CMC2: variants seen among roughly 807,000 people sequenced by gnomAD.
The protein encoded by CMC2 is C-X9-C motif containing 2.
Under a neutral mutation model 7.5 loss-of-function variants are expected in CMC2, and 5 were observed. The ratio of observed to expected loss-of-function variants is 0.66; its 90% confidence interval spans 0.35 to 1.40. The LOEUF is 1.40. Ranked by LOEUF, CMC2 falls within the 40% of genes most tolerant of loss-of-function variation. The probability of loss-of-function intolerance (pLI) is 0.04; values close to 1 mark genes in which losing one functional copy is unlikely to be tolerated. For synonymous variants in CMC2, 37 were observed against 31.4 expected (o/e 1.18, Z -0.60); for missense variants, 115 against 92.3 (o/e 1.25, Z -1.01).
chr16:80,996,054 A>G (rs1968392776), intron 2 of CMC2, among the ~76,000 whole-genome samples: 1 of 152,310 alleles, frequency 6.6e-6, no homozygotes, highest in South Asian at 2.1e-4. Flanking sequence ...AAAAACAGTC[A>G]TGGACCAAAA....
intron 3 of CMC2, chr16:80,980,869 A>G (rs1378751282): frequency 1.4e-6 from 1 of 699,930 alleles, no homozygotes; most frequent in South Asian, 1.5e-5. Context: ...CTTAGGTGAC[A>G]GAGCAAGAAC....
intron 1 of CMC2, among the ~76,000 whole-genome samples, chr16:81,000,524 A>T (rs538785646): frequency 3.0e-4 from 46 of 152,228 alleles, no homozygotes; most frequent in East Asian, 7.7e-4. Context: ...AACAAATTTT[A>T]AAAAAAAGTG....
chr16:80,999,361 G>C (rs1417503621), intron 1 of CMC2, among the ~76,000 whole-genome samples: 4 of 152,228 alleles, frequency 2.6e-5, no homozygotes, highest in South Asian at 4.1e-4. Context: ...CAACCAAGGA[G>C]GTAAAAGATC....
chr16:81,002,036 T>G (rs1234756275), intron 1 of CMC2, among the ~76,000 whole-genome samples: 2 of 152,216 alleles, frequency 1.3e-5, no homozygotes, highest in Non-Finnish European at 2.9e-5. Context: ...AGTTCAGCAA[T>G]TTAAGTTATC....
intron 2 of CMC2, among the ~76,000 whole-genome samples, chr16:80,993,065 G>A (rs919787084): frequency 6.6e-6 from 1 of 152,060 alleles, no homozygotes; most frequent in Admixed American, 6.6e-5. Flanking sequence ...TTGACATTTA[G>A]ATGTCTGCCC....
In CMC2 at chr16:80,969,966, G is replaced by C. The variant is rs1456185755; in HGVS notation, c.*6127C>G. 6.6e-6 allele frequency: 1 copy of C among 152,186 alleles called. No homozygotes were observed. The highest frequency in any genetic ancestry group is 1.5e-5 in the Non-Finnish European group (1 of 68,032). The allele number at this position is 152,186 out of a possible 1,614,324, so 9.4% of individuals were successfully genotyped here. The stretch of plus-strand genomic sequence containing the variant: ...GGAATCTGCTGGAAAATGAGGCTCA[G>C]ACAACCAAAATGACTAGGGAGATAT... On this transcript the variant is annotated 3_prime_UTR_variant, in exon 4 of 4. Coordinates refer to ENST00000219400, the MANE Select transcript of CMC2 (RefSeq NM_020188.5).
At position 80,999,485 on chromosome 16, in the gene CMC2, T is replaced by C. The variant is rs557203803; in HGVS notation, c.-35-2056A>G. 1.1e-3 allele frequency among the ~76,000 whole-genome samples: 172 copies of C among 152,298 alleles called. 1 individual carries two copies. Among genetic ancestry groups the C allele is most frequent in the African/African-American group, 4.0e-3 (165 of 41,570 alleles). On this transcript the variant is annotated intron_variant, in intron 1 of 3. Transcript: ENST00000219400. ...AATCAATATCACTGAAATGGCCATA[T>C]TGCCCAAAGCAATCTACATATTCAA...
chr16:81,004,879 G>C (rs1032014445), intron 1 of CMC2, among the ~76,000 whole-genome samples: 1 of 152,192 alleles, frequency 6.6e-6, no homozygotes, highest in African/African-American at 2.4e-5. Context: ...CTAGTATAAA[G>C]AAAACGGGTA....
intron 2 of CMC2, among the ~76,000 whole-genome samples, chr16:80,986,414 C>T (rs1003969681): frequency 7.9e-5 from 12 of 151,280 alleles, no homozygotes; most frequent in Non-Finnish European, 1.5e-5. Flanking sequence ...GAGATTGTAC[C>T]ACTGCACTCC....
At position 80,998,915 on chromosome 16, in the gene CMC2, C is replaced by G. The variant is rs1040297914; in HGVS notation, c.-35-1486G>C. 5.3e-5 allele frequency: 8 copies of G among 149,848 alleles called. No homozygotes were observed. In the East Asian group the frequency reaches 7.9e-4, roughly 15 times the overall value. The allele number at this position is 149,848 out of a possible 1,614,324, so 9.3% of individuals were successfully genotyped here. On this transcript the variant is annotated intron_variant, in intron 1 of 3. Coordinates refer to ENST00000219400, the MANE Select transcript of CMC2 (RefSeq NM_020188.5). ...CCAACATCCCTTCATGATAAAAACC[C>G]TCAACAAACTAGGCACTGAAGAACA...
intron 3 of CMC2, among the ~76,000 whole-genome samples, chr16:80,977,560 T>A (rs765478280): frequency 6.6e-6 from 1 of 152,184 alleles, no homozygotes; most frequent in African/African-American, 2.4e-5. Flanking sequence ...AGATTAGTGA[T>A]ACCGAGCTCA....
intron 1 of CMC2, among the ~76,000 whole-genome samples, chr16:81,006,343 A>G (rs1223085991): frequency 6.6e-6 from 1 of 152,218 alleles, no homozygotes; most frequent in Admixed American, 6.5e-5. Flanking sequence ...CAACAATAAC[A>G]ACACTTTATT....
At chr16:80,998,529 T>C (rs563916802) in intron 1 of CMC2, 26 of 152,216 alleles carry the variant, frequency 1.7e-4, no homozygotes, top group African/African-American at 4.6e-4. Flanking sequence ...CTTCCGGCTA[T>C]ATTTTCATAA....
chr16:81,006,191 A>G (rs1045652929), intron 1 of CMC2, among the ~76,000 whole-genome samples: 10 of 147,690 alleles, frequency 6.8e-5, no homozygotes, highest in Admixed American at 1.3e-4. Flanking sequence ...ACTTTCCTGG[A>G]AAAAAAAAGC....
At position 80,997,297 on chromosome 16, in the gene CMC2, T is replaced by C; in HGVS notation, c.81+17A>G. The C allele has an allele frequency of 7.2e-7, 1 of 1,393,416 alleles. No individual in the cohort carries two copies. Among genetic ancestry groups the C allele is most frequent in the Non-Finnish European group, 1.0e-6 (1 of 979,144 alleles). 86.3% of individuals were successfully genotyped at this position (1,393,416 alleles called of 1,614,324 possible). A position where few individuals can be genotyped will look rare whatever the true frequency, so the allele number is the denominator to read the frequency against. On this transcript the variant is annotated intron_variant, in intron 2 of 3. Coordinates refer to ENST00000219400, the MANE Select transcript of CMC2 (RefSeq NM_020188.5). ...AAGTTTCATTTTGGCTGTACAGTCG[T>C]TTTTCTGAACTCTTACATTTTTGTG...
At chr16:80,983,113 T>G (rs1967255329) in intron 2 of CMC2, 1 of 153,314 alleles carries the variant, frequency 6.5e-6, no homozygotes, top group African/African-American at 2.4e-5. Flanking sequence ...CCTTATTTTT[T>G]CTCTAGCCTA....
intron 2 of CMC2, among the ~76,000 whole-genome samples, chr16:80,993,381 A>C (rs1221111423): frequency 1.3e-5 from 2 of 152,162 alleles, no homozygotes; most frequent in East Asian, 3.9e-4. Flanking sequence ...CGAGCAGAGG[A>C]GGCAAACGTC....
rs751578733 is a variant in CMC2, at chr16:80,968,784, G to C, written c.*7309C>G. 2.0e-5 allele frequency: 3 copies of C among 152,212 alleles called. No homozygotes were observed. The highest frequency in any genetic ancestry group is 1.9e-4 in the East Asian group (1 of 5,206). The allele number at this position is 152,212 out of a possible 1,614,324, so 9.4% of individuals were successfully genotyped here. On this transcript the variant is annotated 3_prime_UTR_variant, in exon 4 of 4. Coordinates refer to ENST00000219400, the MANE Select transcript of CMC2 (RefSeq NM_020188.5). ...AATCCTTGGGGGTTGAAATCAGAGAGAACTGTAAACCAGAAAGTAAGTGCA... is the reference window on the plus strand; with the variant it reads ...AATCCTTGGGGGTTGAAATCAGAGACAACTGTAAACCAGAAAGTAAGTGCA...
chr16:80,988,434 A>G, intron 2 of CMC2: 1 of 647,916 alleles, frequency 1.5e-6, no homozygotes, highest in Non-Finnish European at 2.8e-6. Flanking sequence ...AGATGTCTTT[A>G]AAAACATTTG....
Sources: allele counts gnomAD v4.1 joint callset (sites outside exome capture counted in the v4.1 genomes callset), GRCh38; gene constraint gnomAD v4.1.1; transcripts MANE v1.5; gene names NCBI Gene and HGNC (gene_info 2026-07-23, HGNC 2026-07-21).